EYS: variants seen among roughly 807,000 people sequenced by gnomAD.
The protein encoded by EYS is protein eyes shut homolog.
In EYS, 250 loss-of-function variants were observed where a neutral mutation model predicts 282.1. The observed-to-expected ratio is 0.89, with a 90% CI of 0.80 to 0.98. The LOEUF is 0.98. Among genes scored for constraint, EYS ranks in the 50% least tolerant of loss-of-function variants. The probability of loss-of-function intolerance (pLI) is 0.00; values close to 1 mark genes in which losing one functional copy is unlikely to be tolerated. For missense variants in EYS, 4,016 were observed against 3,709.0 expected (o/e 1.08, Z -2.15); for synonymous variants, 1,355 against 1,282.9 (o/e 1.06, Z -1.20).
intron 31 of EYS, among the ~76,000 whole-genome samples, chr6:64,191,677 C>A (rs1474054406): frequency 6.6e-6 from 1 of 152,164 alleles, no homozygotes; most frequent in East Asian, 1.9e-4. Flanking sequence ...TTTATGGCTG[C>A]ATAATATTCC....
chr6:64,168,129 C>A (rs938037769), intron 31 of EYS, among the ~76,000 whole-genome samples: 1 of 152,050 alleles, frequency 6.6e-6, no homozygotes, highest in Admixed American at 6.5e-5. Flanking sequence ...GAGCGTGGTG[C>A]GGAGGCCTGT....
chr6:65,573,430 C>A (rs1357385792), intron 2 of EYS, among the ~76,000 whole-genome samples: 1 of 152,124 alleles, frequency 6.6e-6, no homozygotes, highest in African/African-American at 2.4e-5. Flanking sequence ...CAATAGCTAT[C>A]CTGGCTGAGG....
chr6:65,677,701 A>T (rs994801306), intron 1 of EYS, among the ~76,000 whole-genome samples: 2 of 151,996 alleles, frequency 1.3e-5, no homozygotes, highest in Non-Finnish European at 2.9e-5. Flanking sequence ...AATAGACAAA[A>T]TAATCCTAAA....
At chr6:64,740,715 CTTTTT>C (rs5876919) in intron 22 of EYS, among the ~76,000 whole-genome samples, 1 of 127,912 alleles carries the variant, frequency 7.8e-6, no homozygotes. Context: ...AATATGTCCA[CTTTTT>C]TTTTTTTTTT....
At chr6:64,421,992 T>C (rs1419890660) in intron 28 of EYS, among the ~76,000 whole-genome samples, 1 of 151,706 alleles carries the variant, frequency 6.6e-6, no homozygotes, top group African/African-American at 2.4e-5. Context: ...CGATTTTGGC[T>C]CCTCCCAAGT....
At chr6:65,165,526 A>G (rs992302794) in intron 12 of EYS, among the ~76,000 whole-genome samples, 1 of 151,232 alleles carries the variant, frequency 6.6e-6, no homozygotes, top group African/African-American at 2.4e-5. Flanking sequence ...ATTTCTTCAT[A>G]TGAAAAATTA....
chr6:64,962,577 A>T (rs1204862248), intron 14 of EYS, among the ~76,000 whole-genome samples: 2 of 151,830 alleles, frequency 1.3e-5, no homozygotes, highest in Non-Finnish European at 2.9e-5. Flanking sequence ...ACAAAAAAAA[A>T]AGAAAAGAAA....
At chr6:63,911,466 G>A (rs903702628) in intron 35 of EYS, among the ~76,000 whole-genome samples, 4 of 152,264 alleles carry the variant, frequency 2.6e-5, no homozygotes, top group South Asian at 2.1e-4. Context: ...GAACAGATTG[G>A]TTCTGTATTC....
At chr6:64,227,049 CAT>C (rs1403832605) in intron 31 of EYS, among the ~76,000 whole-genome samples, 6 of 152,042 alleles carry the variant, frequency 3.9e-5, no homozygotes, top group Non-Finnish European at 8.8e-5. Flanking sequence ...CAGTTTCCAA[CAT>C]ATCTTTATAT....
At chr6:65,385,245 T>G (rs897374520) in intron 7 of EYS, among the ~76,000 whole-genome samples, 4 of 151,920 alleles carry the variant, frequency 2.6e-5, no homozygotes, top group African/African-American at 9.7e-5. Flanking sequence ...TTCTCATGAC[T>G]TTAAGTTGGT....
intron 31 of EYS, among the ~76,000 whole-genome samples, chr6:64,223,960 C>G (rs188131367): frequency 6.6e-6 from 1 of 151,898 alleles, no homozygotes; most frequent in African/African-American, 2.4e-5. Context: ...CTTTATTATC[C>G]ATATCTTTTG....
chr6:64,102,815 ATATT>A (rs1434925786), intron 31 of EYS, among the ~76,000 whole-genome samples: 6 of 152,304 alleles, frequency 3.9e-5, no homozygotes, highest in African/African-American at 1.4e-4. Flanking sequence ...ATATAATTTG[ATATT>A]TATTAAATGG....
chr6:64,623,559 A>G (rs372780276), intron 23 of EYS, among the ~76,000 whole-genome samples: 1 of 152,174 alleles, frequency 6.6e-6, no homozygotes. Flanking sequence ...AAGCACATAC[A>G]TGCCAAAGAA....
intron 22 of EYS, among the ~76,000 whole-genome samples, chr6:64,634,266 GC>G (rs1767892890): frequency 1.3e-5 from 2 of 152,312 alleles, no homozygotes; most frequent in African/African-American, 4.8e-5. Flanking sequence ...ACAGGCGTGA[GC>G]CACCACACCT....
At chr6:65,016,855 G>A (rs578004957) in intron 13 of EYS, among the ~76,000 whole-genome samples, 5 of 152,266 alleles carry the variant, frequency 3.3e-5, no homozygotes, top group African/African-American at 1.2e-4. Context: ...TGAAAAGACA[G>A]TCCTTTTTAC....
intron 22 of EYS, among the ~76,000 whole-genome samples, chr6:64,806,914 T>TA (rs1764447778): frequency 1.3e-5 from 2 of 152,276 alleles, no homozygotes; most frequent in South Asian, 4.1e-4. Flanking sequence ...AAATTCTGTG[T>TA]AATCTACAGA....
At position 63,841,259 on chromosome 6, in the gene EYS, C is replaced by T. The variant is rs79291172; in HGVS notation, c.7228+22927G>A. 6.5e-3 allele frequency among the ~76,000 whole-genome samples: 992 copies of T among 152,096 alleles called. 71 individuals carry two copies. In the East Asian group the frequency reaches 0.16, roughly 25 times the overall value. ...TTGCTAACATAATCAGTAATCATTT[C>T]TATATTAGGTTTTCCTTTAAATACA... On this transcript the variant is annotated intron_variant, in intron 36 of 42. Coordinates refer to ENST00000503581, the MANE Select transcript of EYS (RefSeq NM_001142800.2).
chr6:64,006,019 G>T (rs1031598355), intron 33 of EYS, among the ~76,000 whole-genome samples: 10 of 152,144 alleles, frequency 6.6e-5, no homozygotes, highest in Non-Finnish European at 1.2e-4. Flanking sequence ...GTCATTTGTA[G>T]TTTGATAGAA....
At chr6:64,784,881 C>T (rs953240360) in intron 22 of EYS, among the ~76,000 whole-genome samples, 1 of 152,056 alleles carries the variant, frequency 6.6e-6, no homozygotes, top group African/African-American at 2.4e-5. Flanking sequence ...TTGTACAGCC[C>T]TTAGATCAGT....
Sources: gnomAD v4.1 joint callset for allele counts (sites outside exome capture counted in the v4.1 genomes callset) on GRCh38, gnomAD v4.1.1 for gene constraint, MANE v1.5 for transcripts, NCBI Gene and HGNC (gene_info 2026-07-23, HGNC 2026-07-21) for gene names.